MEP1B: variants seen among roughly 807,000 people sequenced by gnomAD.
MEP1B encodes N-benzoyl-L-tyrosyl-P-amino-benzoic acid hydrolase subunit beta.
Under a neutral mutation model 84.6 loss-of-function variants are expected in MEP1B, and 80 were observed. The observed-to-expected ratio is 0.95, with a 90% CI of 0.79 to 1.14. The LOEUF (loss-of-function observed/expected upper bound fraction) is 1.14, where lower values mean the gene tolerates loss of function less well. Among genes scored for constraint, MEP1B ranks in the 50% most tolerant of loss-of-function variants. MEP1B has a pLI of 0.00. For synonymous variants in MEP1B, 273 were observed against 288.1 expected, an observed-to-expected ratio of 0.95 and a Z score of 0.53; for missense variants, 766 against 855.1, an observed-to-expected ratio of 0.90 and a Z score of 1.30.
At chr18:32,202,688 C>A (rs925368427) in intron 5 of MEP1B, among the ~76,000 whole-genome samples, 2 of 152,132 alleles carry the variant, frequency 1.3e-5, no homozygotes, top group Non-Finnish European at 2.9e-5. Flanking sequence ...AATATAAGGC[C>A]AAATAAGGGA....
chr18:32,193,574 G>A (rs1030065427), intron 4 of MEP1B, among the ~76,000 whole-genome samples: 1 of 152,124 alleles, frequency 6.6e-6, no homozygotes, highest in Non-Finnish European at 1.5e-5. Context: ...ATACTGGAGA[G>A]TGTATAAATT....
In MEP1B at chr18:32,202,980, C is replaced by CA. The variant is rs757140229; in HGVS notation, c.341dup (p.Asn114LysfsTer18). ...GACTTTAAGCCTTGGGCTGGAGAAACAAACTATATATCAGTGTTCAAGGGC... is the reference window on the plus strand; with the variant it reads ...GACTTTAAGCCTTGGGCTGGAGAAACAAAACTATATATCAGTGTTCAAGGGC... On this transcript the variant is annotated frameshift_variant, in exon 6 of 15. Coordinates refer to ENST00000269202, the MANE Select transcript of MEP1B (RefSeq NM_005925.3). LOFTEE classifies it high-confidence loss of function. 17 of 1,610,984 alleles carry CA rather than the reference C, an allele frequency of 1.1e-5. 1 individual carries two copies. In the South Asian group the frequency reaches 1.9e-4, roughly 18 times the overall value.
At chr18:32,208,024 C>A in intron 8 of MEP1B, 95 bp from the exon 9 acceptor site, 1 of 1,333,110 alleles carries the variant, frequency 7.5e-7, no homozygotes, top group Admixed American at 1.8e-5. Flanking sequence ...CCTGTAATAC[C>A]AACCTGGCAT....
intron 10 of MEP1B, among the ~76,000 whole-genome samples, chr18:32,212,109 T>C (rs1304981298): frequency 2.0e-5 from 3 of 149,132 alleles, no homozygotes; most frequent in Non-Finnish European, 4.4e-5. Flanking sequence ...AAATATTATA[T>C]TTTATGTATT....
chr18:32,219,293 A>G (rs2041125647), intron 14 of MEP1B, among the ~76,000 whole-genome samples: 1 of 152,236 alleles, frequency 6.6e-6, no homozygotes, highest in South Asian at 2.1e-4. Flanking sequence ...CTGTTGTCCT[A>G]TTTCCTCAAC....
chr18:32,195,424 C>T lies in MEP1B; in HGVS notation c.189C>T (p.Ser63=), dbSNP rs1213755310. 2 of 1,611,496 alleles carry T rather than the reference C, an allele frequency of 1.2e-6. No homozygotes were observed. The highest frequency in any genetic ancestry group is 2.2e-5 in the East Asian group (1 of 44,796). ...TTTGACAGGCACAAATTAGAAATTC[C>T]ATCATTGGAGAAAAGTATAGATGGC... is the stretch of plus-strand genomic sequence containing the variant. The part of the protein sequence containing the change: ...IRLDRAQIRN[S]IIGEKYRWPH... Residue 63 remains serine, a synonymous_variant, in exon 5 of 15, where the codon TCC becomes TCT. Transcript: ENST00000269202.
chr18:32,218,191 A>G (rs1356419821), intron 14 of MEP1B, among the ~76,000 whole-genome samples: 1 of 152,160 alleles, frequency 6.6e-6, no homozygotes, highest in African/African-American at 2.4e-5. Flanking sequence ...TGTATACAAC[A>G]TTGTGTACAG....
At chr18:32,206,298 T>A (rs897358001) in intron 7 of MEP1B, among the ~76,000 whole-genome samples, 3 of 152,226 alleles carry the variant, frequency 2.0e-5, no homozygotes, top group Non-Finnish European at 4.4e-5. Flanking sequence ...CTCTGTAGGA[T>A]AACTAGAAAG....
chr18:32,201,019 T>C (rs914064011), intron 5 of MEP1B, among the ~76,000 whole-genome samples: 11 of 152,158 alleles, frequency 7.2e-5, no homozygotes, highest in Non-Finnish European at 1.6e-4. Flanking sequence ...AGGCCCTCAG[T>C]AAATAAAGGC....
intron 12 of MEP1B, among the ~76,000 whole-genome samples, chr18:32,215,596 G>A (rs994837482): frequency 7.2e-5 from 11 of 152,124 alleles, no homozygotes; most frequent in African/African-American, 2.4e-4. Flanking sequence ...AGACCGAGGC[G>A]AGTGGATCAC....
intron 12 of MEP1B, among the ~76,000 whole-genome samples, chr18:32,216,775 G>A (rs1216391339): frequency 6.6e-6 from 1 of 151,724 alleles, no homozygotes; most frequent in Non-Finnish European, 1.5e-5. Flanking sequence ...CATGGCTCAC[G>A]CCTATAATCC....
chr18:32,197,178 A>G (rs1286050976), intron 5 of MEP1B, among the ~76,000 whole-genome samples: 1 of 152,228 alleles, frequency 6.6e-6, no homozygotes, highest in African/African-American at 2.4e-5. Flanking sequence ...TTAGTGTAGT[A>G]TTAAAATGTT....
chr18:32,220,120 A>G (rs1598900365), intron 14 of MEP1B, 111 bp from the exon 15 acceptor site: 1 of 997,200 alleles, frequency 1.0e-6, no homozygotes, highest in African/African-American at 1.6e-5. Context: ...GGAGGCCAGG[A>G]GACTGCTGAT....
chr18:32,196,778 G>A lies in MEP1B; in HGVS notation c.250+1293G>A, dbSNP rs972185451. ...CCAGGTGCATGTTTTCCTGGATGGT[G>A]TTGGGGTGCTCGATGCCCATCACCC... On this transcript the variant is annotated intron_variant, in intron 5 of 14. Transcript: ENST00000269202. The surrounding 1 kb of genome is among the most constrained non-coding windows in gnomAD (Gnocchi z 4.4). The A allele has an allele frequency of 1.5e-6, 1 of 668,360 alleles. No homozygotes were observed. Among genetic ancestry groups the A allele is most frequent in the African/African-American group, 1.8e-5 (1 of 56,450 alleles). The allele number at this position is 668,360 out of a possible 1,614,324, so 41.4% of individuals were successfully genotyped here.
chr18:32,199,668 GTTCC>G (rs201128780), intron 5 of MEP1B, among the ~76,000 whole-genome samples: 6,209 of 126,852 alleles, frequency 0.049, 132 homozygotes, highest in Middle Eastern at 0.099. Flanking sequence ...CCTTTCGTTC[GTTCC>G]TTCCTTCCTT....
intron 7 of MEP1B, 102 bp downstream of exon 7, chr18:32,204,462 T>A (rs866360554): frequency 2.1e-6 from 2 of 957,934 alleles, no homozygotes; most frequent in Non-Finnish European, 3.1e-6. Flanking sequence ...TTTAAAACTT[T>A]GATGTTTTGA....
Position 32,215,212 on chromosome 18 carries a change from CA to C in MEP1B, c.1711del (p.Arg571GlufsTer4). ...TTATAACCCACGAAAGGCTGAAAAG[CA>C]GAGATTTTATAAAAGGAGATGATGT... is the stretch of plus-strand genomic sequence containing the variant. ...AFITHERLKSRDFIKGDDVYI... is the reference protein window; with the variant it reads ...AFITHERLKSXDFIKGDDVYI... On this transcript the variant is annotated frameshift_variant, in exon 12 of 15. Coordinates refer to ENST00000269202, the MANE Select transcript of MEP1B (RefSeq NM_005925.3). LOFTEE classifies it high-confidence loss of function. 6.2e-7 allele frequency: 1 copy of C among 1,609,526 alleles called. No homozygotes were observed. The highest frequency in any genetic ancestry group is 8.5e-7 in the Non-Finnish European group (1 of 1,178,256).
At position 32,211,269 on chromosome 18, in the gene MEP1B, T is replaced by C. The variant is rs117200952; in HGVS notation, c.1135+553T>C. ...GCGCGACAGAGCAAGACTCCATCTC[T>C]GAAAAAATAAATAAAATAAAATAAA... is the stretch of plus-strand genomic sequence containing the variant. On this transcript the variant is annotated intron_variant, in intron 10 of 14. Coordinates refer to ENST00000269202, the MANE Select transcript of MEP1B (RefSeq NM_005925.3). Among the ~76,000 whole-genome samples, 253 of 151,842 alleles carry C rather than the reference T, an allele frequency of 1.7e-3. 6 individuals carry two copies. The East Asian group carries it at 0.045, about 27-fold the overall frequency.
At chr18:32,191,955 T>G in intron 2 of MEP1B, 115 bp downstream of exon 2, 1 of 645,218 alleles carries the variant, frequency 1.5e-6, no homozygotes, top group East Asian at 2.9e-5. Context: ...TGAACTTTGA[T>G]CTAATACTGG....
Sources: gnomAD v4.1 joint callset for allele counts (sites outside exome capture counted in the v4.1 genomes callset) on GRCh38, gnomAD v4.1.1 for gene constraint, Gnocchi (gnomAD v3.1) non-coding constraint, MANE v1.5 for transcripts, NCBI Gene and HGNC (gene_info 2026-07-23, HGNC 2026-07-21) for gene names.